The following HOOK2 variants were observed in gnomAD, a reference collection of about 807,000 sequenced individuals.
The protein encoded by HOOK2 is hook microtubule tethering protein 2.
HOOK2 carries 108 observed loss-of-function variants against 111.9 expected under a neutral mutation model. That is an observed-to-expected ratio of 0.96 (90% CI 0.83 to 1.13). The LOEUF (loss-of-function observed/expected upper bound fraction) is 1.13. Among genes scored for constraint, HOOK2 ranks in the 50% most tolerant of loss-of-function variants. The pLI is 0.00. For synonymous variants in HOOK2, 405 were observed against 394.3 expected, an observed-to-expected ratio of 1.03 and a Z score of -0.32; for missense variants, 978 against 951.3, an observed-to-expected ratio of 1.03 and a Z score of -0.37.
chr19:12,789,956 G>GGGC (rs1379606333), intron 3 of HOOK2, among the ~76,000 whole-genome samples: 5 of 152,150 alleles, frequency 3.3e-5, no homozygotes, highest in Non-Finnish European at 2.9e-5. Flanking sequence ...GCCCTAATAT[G>GGGC]GGCGGCGGGG....
In HOOK2 at chr19:12,763,604, C is replaced by A; in HGVS notation, c.1939-5G>T. The A allele has an allele frequency of 6.2e-7, 1 of 1,614,214 alleles. No homozygotes were observed. Among genetic ancestry groups the A allele is most frequent in the Non-Finnish European group, 8.5e-7 (1 of 1,180,038 alleles). ...TCGGCTTTTCTCAAAGTCCATCTGT[C>A]AAGGAGGCAAGTGTCAGGGGCCTAG... On this transcript the variant is annotated splice_region_variant and splice_polypyrimidine_tract_variant and intron_variant, in intron 21 of 22. Coordinates refer to ENST00000397668, the MANE Select transcript of HOOK2 (RefSeq NM_013312.3).
intron 20 of HOOK2, 91 bp from the exon 21 acceptor site, chr19:12,763,869 C>T: frequency 1.2e-6 from 1 of 860,464 alleles, no homozygotes; most frequent in South Asian, 1.6e-5. Context: ...TTCTTTCATT[C>T]ATTATAGAGA....
rs1968371024 is a variant in HOOK2, at chr19:12,772,680, T to A, written c.389A>T (p.Asp130Val). 1.2e-6 allele frequency: 2 copies of A among 1,614,172 alleles called. No individual in the cohort carries two copies. The highest frequency in any genetic ancestry group is 2.7e-5 in the African/African-American group (2 of 75,050). ...CAGCGTCATGATTCTCTGGATGTGGTCTGGGGATCAAGGTGGGGGAGGCTG... is the reference window on the plus strand; with the variant it reads ...CAGCGTCATGATTCTCTGGATGTGGACTGGGGATCAAGGTGGGGGAGGCTG... ...GCAISCEKKQ[D>V]HIQRIMTLEE... The change falls in exon 6 of 23, where the codon GAC (aspartate) becomes GTC (valine). Residue 130 changes from aspartate (D) to valine (V), a missense_variant and splice_region_variant. By Grantham distance (152) the Asp-to-Val change is radical. This residue lies in a region of HOOK2 where 301 missense variants were observed against 286.1 expected (regional missense o/e 1.05). Transcript: ENST00000397668.
chr19:12,789,601 G>A (rs2145802574), intron 3 of HOOK2, among the ~76,000 whole-genome samples: 1 of 152,126 alleles, frequency 6.6e-6, no homozygotes, highest in Middle Eastern at 3.4e-3. Flanking sequence ...CGAGGGAGGA[G>A]GCAGCCGCCG....
Position 12,791,955 on chromosome 19 carries a change from G to A in HOOK2, n.42-17730C>T, listed in dbSNP as rs1315876476. Reference sequence around the variant, plus strand: ...TGGGGCTCGCGGACCCGGCCCAGAGGGCGGCGGTGGCGGCAGCTACTTTTC... The same window carrying A: ...TGGGGCTCGCGGACCCGGCCCAGAGAGCGGCGGTGGCGGCAGCTACTTTTC... On this transcript the variant is annotated intron_variant and non_coding_transcript_variant, in intron 3 of 3. Coordinates refer to the HOOK2 transcript ENST00000589765. The surrounding 1 kb of genome is among the most constrained non-coding windows in gnomAD (Gnocchi z 7.0). 1.2e-6 allele frequency: 2 copies of A among 1,610,942 alleles called. No individual in the cohort carries two copies. Among genetic ancestry groups the A allele is most frequent in the Admixed American group, 1.7e-5 (1 of 59,736 alleles).
chr19:12,771,613 T>G (rs1016209827), intron 7 of HOOK2, 136 bp from the exon 8 acceptor site: 3 of 739,952 alleles, frequency 4.1e-6, no homozygotes, highest in Non-Finnish European at 4.5e-6. Context: ...CCGGGTGCAG[T>G]GGCTCGCGCC....
At chr19:12,768,314 C>G (rs1411761430) in intron 11 of HOOK2, among the ~76,000 whole-genome samples, 191 bp from the exon 12 acceptor site, 1 of 152,192 alleles carries the variant, frequency 6.6e-6, no homozygotes, top group Non-Finnish European at 1.5e-5. Flanking sequence ...TGGCTGATCT[C>G]AAACTCCTGG....
At chr19:12,784,694 T>A (rs974492541) in intron 3 of HOOK2, 1 of 151,218 alleles carries the variant, frequency 6.6e-6, no homozygotes, top group Non-Finnish European at 1.5e-5. Context: ...GGAGAGACAG[T>A]CACTTTCAGC....
rs1968214601 is a variant in HOOK2 at position 12,768,190 on chromosome 19, T to C, written c.1105-67A>G. On this transcript the variant is annotated intron_variant, in intron 11 of 22. Transcript: ENST00000397668. ...AGCAGGGGCAGGGGCTGAGTACAAA[T>C]GGTCCCCGATCCAGGATGCTTTGAC... 3.2e-6 allele frequency: 4 copies of C among 1,252,386 alleles called. No individual in the cohort carries two copies. In the African/African-American group the frequency reaches 5.9e-5, roughly 19 times the overall value. The allele number at this position is 1,252,386 out of a possible 1,614,324, so 77.6% of individuals were successfully genotyped here.
At chr19:12,789,446 G>A (rs990521345) in intron 3 of HOOK2, among the ~76,000 whole-genome samples, 6 of 152,250 alleles carry the variant, frequency 3.9e-5, no homozygotes, top group African/African-American at 1.4e-4. Flanking sequence ...AGGGAAGGAG[G>A]GGGGCTCCCT....
Position 12,786,502 on chromosome 19 carries a change from A to T in HOOK2, n.42-12277T>A, listed in dbSNP as rs1439802477. Among the ~76,000 whole-genome samples the T allele has an allele frequency of 6.6e-6, 1 of 151,980 alleles. No homozygotes were observed. The highest frequency in any genetic ancestry group is 1.5e-5 in the Non-Finnish European group (1 of 67,952). ...GGCCCCAGGCCCTGGGGCACTGGGG[A>T]AGCCTGCGCAGGGACTTCTTAGCCA... is the stretch of plus-strand genomic sequence containing the variant. On this transcript the variant is annotated intron_variant and non_coding_transcript_variant, in intron 3 of 3. Coordinates refer to the HOOK2 transcript ENST00000589765. The surrounding 1 kb of genome is among the most constrained non-coding windows in gnomAD (Gnocchi z 4.3).
upstream of HOOK2, among the ~76,000 whole-genome samples, chr19:12,776,661 T>C (rs936628327): frequency 8.3e-6 from 1 of 120,596 alleles, no homozygotes; most frequent in Non-Finnish European, 1.7e-5. Flanking sequence ...GGGGCAACAG[T>C]GCAAGACTCC....
In HOOK2 at chr19:12,786,668, C is replaced by T. The variant is rs1286661893; in HGVS notation, n.42-12443G>A. On this transcript the variant is annotated intron_variant and non_coding_transcript_variant, in intron 3 of 3. Transcript: ENST00000589765. The surrounding 1 kb of genome is among the most constrained non-coding windows in gnomAD (Gnocchi z 4.3). ...GTGGGGCGGCTTGAGGGGGTGGTGC[C>T]CAGGCCACAAGGGTGACACTGGCAG... 2.0e-5 allele frequency among the ~76,000 whole-genome samples: 3 copies of T among 152,212 alleles called. No homozygotes were observed. The highest frequency in any genetic ancestry group is 1.3e-4 in the Admixed American group (2 of 15,282).
chr19:12,771,096 C>T, intron 9 of HOOK2, 24 bp from the exon 10 acceptor site: 2 of 1,611,674 alleles, frequency 1.2e-6, no homozygotes, highest in Non-Finnish European at 1.7e-6. Flanking sequence ...GGGAAGAGCA[C>T]ATGAGGGGGC....
At chr19:12,773,084 T>C in intron 3 of HOOK2, 40 bp from the exon 4 acceptor site, 1 of 1,585,274 alleles carries the variant, frequency 6.3e-7, no homozygotes, top group Non-Finnish European at 8.7e-7. Context: ...TTCAGAGGCC[T>C]CCCACTCTGA....
At position 12,763,150 on chromosome 19, in the gene HOOK2, CT is replaced by C; in HGVS notation, c.*131del. Reference sequence around the variant, plus strand: ...CCTCCCGCCCTCCCTCCCCACCAATCTGGGAGAGGGAAGAGCAGAGATCATG... The same window carrying C: ...CCTCCCGCCCTCCCTCCCCACCAATCGGGAGAGGGAAGAGCAGAGATCATG... On this transcript the variant is annotated 3_prime_UTR_variant, in exon 23 of 23. Coordinates refer to ENST00000397668, the MANE Select transcript of HOOK2 (RefSeq NM_013312.3). 1 of 450,386 alleles carries C rather than the reference CT, an allele frequency of 2.2e-6. No homozygotes were observed. Among genetic ancestry groups the C allele is most frequent in the South Asian group, 1.9e-5 (1 of 52,322 alleles). The allele number at this position is 450,386 out of a possible 1,614,324, so 27.9% of individuals were successfully genotyped here. A position where few individuals can be genotyped will look rare whatever the true frequency, so the allele number is the denominator to read the frequency against.
In HOOK2 at chr19:12,771,439, C is replaced by G. The variant is rs539743854; in HGVS notation, c.558G>C (p.Glu186Asp). ...RYYFLSEEAE[E>D]GDELQQRCLD... ...GACAGCGCTGCTGTAATTCGTCCCC[C>G]TCCTCAGCCTCCTCACTTAGGAAAT... Residue 186 changes from glutamate to aspartate, a missense_variant, in exon 8 of 23, where the codon GAG becomes GAC. Coordinates refer to ENST00000397668, the MANE Select transcript of HOOK2 (RefSeq NM_013312.3). The G allele has an allele frequency of 6.2e-7, 1 of 1,613,504 alleles. No homozygotes were observed. Among genetic ancestry groups the G allele is most frequent in the African/African-American group, 1.3e-5 (1 of 75,038 alleles).
Position 12,763,145 on chromosome 19 carries a change from C to A in HOOK2, c.*137G>T, listed in dbSNP as rs1968044868. ...ATCTACCTCCCGCCCTCCCTCCCCA[C>A]CAATCTGGGAGAGGGAAGAGCAGAG... On this transcript the variant is annotated 3_prime_UTR_variant, in exon 23 of 23. Coordinates refer to ENST00000397668, the MANE Select transcript of HOOK2 (RefSeq NM_013312.3). The A allele has an allele frequency of 1.1e-5, 8 of 717,814 alleles. No individual in the cohort carries two copies. Among genetic ancestry groups the A allele is most frequent in the African/African-American group, 1.8e-5 (1 of 55,572 alleles). The allele number at this position is 717,814 out of a possible 1,614,324, so 44.5% of individuals were successfully genotyped here.
Position 12,763,694 on chromosome 19 carries a change from G to A in HOOK2, c.1912C>T (p.Arg638Trp). 1 of 1,614,216 alleles carries A rather than the reference G, an allele frequency of 6.2e-7. No individual in the cohort carries two copies. Among genetic ancestry groups the A allele is most frequent in the Non-Finnish European group, 8.5e-7 (1 of 1,180,014 alleles). ...TCCAGGTGTCGGATGCGGACATCCC[G>A]TTCTCGGAGCTGTGTCCTCAGGGAA... The part of the protein sequence containing the change: ...LHSLRTQLRE[R>W]DVRIRHLEMD... Residue 638 changes from arginine (R) to tryptophan (W), a missense_variant, in exon 21 of 23, where the codon CGG becomes TGG. Arg to Trp is a moderately radical substitution (Grantham distance 101, BLOSUM62 -3). Coordinates refer to ENST00000397668, the MANE Select transcript of HOOK2 (RefSeq NM_013312.3).
Sources: allele counts gnomAD v4.1 joint callset (sites outside exome capture counted in the v4.1 genomes callset), GRCh38; gene constraint gnomAD v4.1.1; regional missense constraint gnomAD v4.1.1; non-coding constraint Gnocchi (gnomAD v3.1); transcripts MANE v1.5; gene names NCBI Gene and HGNC (gene_info 2026-07-23, HGNC 2026-07-21).